The following CSMD3 variants were observed in gnomAD, a reference collection of about 807,000 sequenced individuals.
CSMD3 encodes the protein CUB and Sushi multiple domains 3.
Under a neutral mutation model 435.2 loss-of-function variants are expected in CSMD3, and 177 were observed. That is an observed-to-expected ratio of 0.41 (90% CI 0.36 to 0.46). The LOEUF is 0.46. CSMD3 is among the 20% of genes least tolerant of loss of function. The pLI, the probability that CSMD3 is intolerant of heterozygous loss-of-function variation, is 0.34. For missense variants in CSMD3, 4,265 were observed against 4,504.6 expected, an observed-to-expected ratio of 0.95 and a Z score of 1.52; for synonymous variants, 1,656 against 1,520.5, an observed-to-expected ratio of 1.09 and a Z score of -2.07.
intron 69 of CSMD3, among the ~76,000 whole-genome samples, chr8:112,229,209 T>C (rs10955617): frequency 0.24 from 36,953 of 152,082 alleles, 4,629 homozygotes; most frequent in East Asian, 0.36. Flanking sequence ...CAATGTGCTT[T>C]AGAAAGGAAA....
intron 38 of CSMD3, among the ~76,000 whole-genome samples, chr8:112,379,095 C>G (rs945034033): frequency 1.3e-5 from 2 of 152,098 alleles, no homozygotes. Context: ...GGAAATAATA[C>G]CATCTACAAT....
At chr8:112,952,932 T>G (rs1241450687) in intron 8 of CSMD3, among the ~76,000 whole-genome samples, 1 of 151,336 alleles carries the variant, frequency 6.6e-6, no homozygotes, top group Non-Finnish European at 1.5e-5. Context: ...TCACAACCCA[T>G]GTACAAGAAA....
At chr8:112,762,980 G>T (rs892847502) in intron 13 of CSMD3, among the ~76,000 whole-genome samples, 1 of 151,620 alleles carries the variant, frequency 6.6e-6, no homozygotes, top group African/African-American at 2.4e-5. Context: ...TTCAAGCGAT[G>T]TATTGTACCT....
chr8:112,664,402 A>G (rs902746497), intron 17 of CSMD3, among the ~76,000 whole-genome samples: 34 of 152,152 alleles, frequency 2.2e-4, no homozygotes, highest in African/African-American at 8.0e-4. Flanking sequence ...ACTATATTGG[A>G]AAAAGATTTA....
At chr8:113,231,011 AT>A (rs994242010) in intron 3 of CSMD3, among the ~76,000 whole-genome samples, 44 of 150,912 alleles carry the variant, frequency 2.9e-4, no homozygotes, top group African/African-American at 9.4e-4. Context: ...TTCTATCTCA[AT>A]TTTTTTTCTT....
chr8:112,270,365 T>TGTGTGTGTGTGTGTGTGTTAGGGGTGA (rs1817395529), intron 59 of CSMD3, among the ~76,000 whole-genome samples: 2 of 148,584 alleles, frequency 1.3e-5, no homozygotes, highest in African/African-American at 5.1e-5. Flanking sequence ...TGTGTGTGTG[T>TGTGTGTGTGTGTGTGTGTTAGGGGTGA]GTGTGTGTGT....
At chr8:113,272,034 T>C (rs146821950) in intron 3 of CSMD3, among the ~76,000 whole-genome samples, 12 of 152,290 alleles carry the variant, frequency 7.9e-5, no homozygotes, top group Non-Finnish European at 1.2e-4. Context: ...CCCTTTGTTA[T>C]GGACAATTTC....
chr8:112,728,091 G>A (rs2077002523), intron 13 of CSMD3, among the ~76,000 whole-genome samples: 1 of 151,318 alleles, frequency 6.6e-6, no homozygotes, highest in East Asian at 1.9e-4. Flanking sequence ...ATTAGGGGTA[G>A]TCATGTGATA....
intron 5 of CSMD3, among the ~76,000 whole-genome samples, chr8:113,039,598 T>C (rs534881226): frequency 2.6e-4 from 40 of 152,258 alleles, no homozygotes; most frequent in African/African-American, 9.1e-4. Context: ...TTTATTTGTG[T>C]TTTGTCTTTT....
chr8:113,350,032 TCTAA>T (rs1423096487), intron 1 of CSMD3, among the ~76,000 whole-genome samples: 5 of 152,086 alleles, frequency 3.3e-5, no homozygotes, highest in Admixed American at 2.0e-4. Context: ...ATGTCAGAAG[TCTAA>T]CTACTTGGTA....
intron 4 of CSMD3, among the ~76,000 whole-genome samples, chr8:113,136,086 T>C (rs2091411793): frequency 6.6e-6 from 1 of 151,802 alleles, no homozygotes; most frequent in Non-Finnish European, 1.5e-5. Context: ...CCATATTACG[T>C]ATCATATAAG....
At chr8:112,816,228 T>C (rs1371299958) in intron 12 of CSMD3, among the ~76,000 whole-genome samples, 1 of 152,160 alleles carries the variant, frequency 6.6e-6, no homozygotes, top group Non-Finnish European at 1.5e-5. Flanking sequence ...CAAGGCTTTC[T>C]GTAAGGAATT....
intron 38 of CSMD3, among the ~76,000 whole-genome samples, chr8:112,379,600 C>A (rs976855051): frequency 6.6e-6 from 1 of 152,112 alleles, no homozygotes; most frequent in Non-Finnish European, 1.5e-5. Context: ...CCATACTACA[C>A]AAAGCAACCT....
chr8:112,481,409 T>C (rs1189211502), intron 31 of CSMD3, among the ~76,000 whole-genome samples: 3 of 152,196 alleles, frequency 2.0e-5, no homozygotes, highest in Non-Finnish European at 4.4e-5. Context: ...CATAATTTAT[T>C]ATCAAATATA....
chr8:112,868,713 A>G (rs150225891), intron 10 of CSMD3, among the ~76,000 whole-genome samples: 53 of 152,300 alleles, frequency 3.5e-4, no homozygotes, highest in African/African-American at 1.2e-3. Context: ...ACCCATAAAT[A>G]TATAGTCAAC....
At chr8:112,966,485 T>A (rs186475101) in intron 7 of CSMD3, among the ~76,000 whole-genome samples, 303 of 151,328 alleles carry the variant, frequency 2.0e-3, no homozygotes, top group African/African-American at 4.8e-3. Flanking sequence ...TTTTCATTTT[T>A]AAAAATTTTT....
In CSMD3 at chr8:112,624,216, A is replaced by C. The variant is rs1586830391; in HGVS notation, c.3715+12601T>G. On this transcript the variant is annotated intron_variant, in intron 22 of 70. Transcript: ENST00000297405. ...ATGTAGAATGCTTATAACTAGAAAGAAAGGTTTCTTAAAAGCTTTCCAAAT... is the reference window on the plus strand; with the variant it reads ...ATGTAGAATGCTTATAACTAGAAAGCAAGGTTTCTTAAAAGCTTTCCAAAT... 2.6e-5 allele frequency among the ~76,000 whole-genome samples: 4 copies of C among 152,200 alleles called. No homozygotes were observed. The South Asian group carries it at 8.3e-4, about 32-fold the overall frequency.
chr8:112,474,205 C>G (rs35843056), intron 31 of CSMD3, among the ~76,000 whole-genome samples: 2,650 of 152,070 alleles, frequency 0.017, 79 homozygotes, highest in African/African-American at 0.06. Context: ...ACAAAAACTA[C>G]AGAAGAATAT....
At chr8:112,717,177 A>G (rs2076751997) in intron 13 of CSMD3, among the ~76,000 whole-genome samples, 1 of 152,116 alleles carries the variant, frequency 6.6e-6, no homozygotes, top group Non-Finnish European at 1.5e-5. Context: ...TCATCTGACA[A>G]AGGTCTAATA....
Sources: allele counts gnomAD v4.1 joint callset (sites outside exome capture counted in the v4.1 genomes callset), GRCh38; gene constraint gnomAD v4.1.1; transcripts MANE v1.5; gene names NCBI Gene and HGNC (gene_info 2026-07-23, HGNC 2026-07-21).